SKAP1: variants seen among roughly 807,000 people sequenced by gnomAD.
SKAP1 encodes src kinase-associated phosphoprotein 1.
A neutral mutation model predicts 58.5 loss-of-function variants in SKAP1; 44 were observed. That is an observed-to-expected ratio of 0.75 (90% confidence interval 0.59 to 0.97). The LOEUF (loss-of-function observed/expected upper bound fraction) is 0.97. SKAP1 is among the 50% of genes least tolerant of loss of function. The pLI, the probability that SKAP1 is intolerant of heterozygous loss-of-function variation, is 0.00. For synonymous variants in SKAP1, 127 were observed against 149.7 expected, an observed-to-expected ratio of 0.85 and a Z score of 1.11; for missense variants, 390 against 435.2, an observed-to-expected ratio of 0.90 and a Z score of 0.92.
intron 2 of SKAP1, among the ~76,000 whole-genome samples, chr17:48,366,949 C>T (rs980323437): frequency 3.3e-5 from 5 of 152,068 alleles, no homozygotes; most frequent in Non-Finnish European, 7.4e-5. Flanking sequence ...CAGAAAAAAT[C>T]CTAGTCATGC....
chr17:48,173,203 G>A (rs955532030), intron 9 of SKAP1, among the ~76,000 whole-genome samples: 11 of 150,472 alleles, frequency 7.3e-5, no homozygotes, highest in African/African-American at 4.9e-5. Flanking sequence ...AAAAAAGGAC[G>A]GATACTCTGG....
intron 3 of SKAP1, among the ~76,000 whole-genome samples, chr17:48,348,311 CA>C (rs2066750088): frequency 7.0e-6 from 1 of 142,836 alleles, no homozygotes; most frequent in African/African-American, 2.6e-5. Flanking sequence ...CACTGCACTC[CA>C]ACCTAGACAA....
At chr17:48,434,077 G>A (rs1028470615), upstream of SKAP1, among the ~76,000 whole-genome samples, 1 of 152,210 alleles carries the variant, frequency 6.6e-6, no homozygotes. Context: ...ATTGATCCCT[G>A]AATGCTGGGT....
chr17:48,300,549 G>A (rs1045211272), intron 4 of SKAP1, among the ~76,000 whole-genome samples: 3 of 152,160 alleles, frequency 2.0e-5, no homozygotes, highest in Non-Finnish European at 4.4e-5. Context: ...CCATGGTCTG[G>A]AGGCTATATT....
upstream of SKAP1, among the ~76,000 whole-genome samples, chr17:48,434,633 G>C (rs1296833628): frequency 6.6e-6 from 1 of 152,128 alleles, no homozygotes; most frequent in East Asian, 1.9e-4. Context: ...AACAGTATGA[G>C]GGACTATATA....
intron 2 of SKAP1, among the ~76,000 whole-genome samples, chr17:48,377,601 A>T (rs940181838): frequency 6.6e-6 from 1 of 151,880 alleles, no homozygotes; most frequent in Non-Finnish European, 1.5e-5. Flanking sequence ...AAAATTAAAT[A>T]AAAACATTTA....
rs2067609160 is a variant in SKAP1 at position 48,407,898 on chromosome 17, G to A, written c.47-11113C>T. 2.0e-5 allele frequency among the ~76,000 whole-genome samples: 3 copies of A among 149,404 alleles called. No homozygotes were observed. In the South Asian group the frequency reaches 6.3e-4, roughly 31 times the overall value. ...GGAGGAATATATAAATGCTACATAA[G>A]TGTAAGTGTAAGAGCTGGAATTTTT... On this transcript the variant is annotated intron_variant, in intron 1 of 12. Transcript: ENST00000336915.
chr17:48,304,126 A>T (rs1156563154), intron 4 of SKAP1, among the ~76,000 whole-genome samples: 1 of 152,232 alleles, frequency 6.6e-6, no homozygotes, highest in East Asian at 1.9e-4. Flanking sequence ...ATGTAATACC[A>T]AAGTATTATA....
intron 4 of SKAP1, among the ~76,000 whole-genome samples, chr17:48,195,274 A>C (rs1437154056): frequency 6.6e-6 from 1 of 152,204 alleles, no homozygotes; most frequent in Non-Finnish European, 1.5e-5. Flanking sequence ...AATAAATGAT[A>C]GTTTGTAGTG....
chr17:48,346,282 C>A (rs2066722610), intron 3 of SKAP1, among the ~76,000 whole-genome samples: 1 of 152,030 alleles, frequency 6.6e-6, no homozygotes, highest in Admixed American at 6.6e-5. Context: ...CCTCTTGCCA[C>A]CAGAAAGAAA....
chr17:48,443,190 A>G, the SKAP1 span, among the ~76,000 whole-genome samples: 1 of 152,182 alleles, frequency 6.6e-6, no homozygotes, highest in Non-Finnish European at 1.5e-5. Context: ...AGACTGGGTT[A>G]TATTTCCCTC....
intron 1 of SKAP1, among the ~76,000 whole-genome samples, chr17:48,416,152 T>A: frequency 6.6e-6 from 1 of 152,196 alleles, no homozygotes; most frequent in East Asian, 1.9e-4. Flanking sequence ...TTTAAAAAAT[T>A]GTAGGAGCAG....
chr17:48,260,382 G>A lies in SKAP1; in HGVS notation c.281-70882C>T, dbSNP rs368641872. ...GAGTCCATCAAAAAATTGTGTACAA[G>A]AGGCTATTAAACAATGTAGACATAT... On this transcript the variant is annotated intron_variant, in intron 4 of 12. Transcript: ENST00000336915. 2.6e-5 allele frequency among the ~76,000 whole-genome samples: 4 copies of A among 152,228 alleles called. 1 individual carries two copies. The highest frequency in any genetic ancestry group is 9.6e-5 in the African/African-American group (4 of 41,560).
the SKAP1 span, among the ~76,000 whole-genome samples, chr17:48,442,546 C>A: frequency 1.3e-5 from 2 of 152,130 alleles, no homozygotes; most frequent in Non-Finnish European, 2.9e-5. Flanking sequence ...TGGACTCAGA[C>A]TCCACAACCA....
intron 3 of SKAP1, among the ~76,000 whole-genome samples, chr17:48,356,090 C>CA (rs35191647): frequency 0.62 from 93,560 of 151,434 alleles, 29,653 homozygotes; most frequent in African/African-American, 0.76. Context: ...CTTATGTCTA[C>CA]AAAAAATACA....
At chr17:48,157,420 A>G (rs2063993561) in intron 11 of SKAP1, among the ~76,000 whole-genome samples, 1 of 151,798 alleles carries the variant, frequency 6.6e-6, no homozygotes, top group African/African-American at 2.4e-5. Flanking sequence ...ATTTTAGTAG[A>G]GACGGGGTTT....
intron 4 of SKAP1, among the ~76,000 whole-genome samples, chr17:48,295,791 T>C (rs1388631618): frequency 2.0e-5 from 3 of 152,062 alleles, no homozygotes; most frequent in Non-Finnish European, 4.4e-5. Context: ...ACTTCCGGTC[T>C]CCATCTACAT....
At chr17:48,391,932 T>A (rs928709510) in intron 2 of SKAP1, among the ~76,000 whole-genome samples, 1 of 152,180 alleles carries the variant, frequency 6.6e-6, no homozygotes, top group Non-Finnish European at 1.5e-5. Flanking sequence ...GTTCTTTTGA[T>A]AAGCATACTT....
intron 4 of SKAP1, among the ~76,000 whole-genome samples, chr17:48,290,906 A>C (rs1393099405): frequency 6.6e-6 from 1 of 152,184 alleles, no homozygotes; most frequent in Non-Finnish European, 1.5e-5. Context: ...TTTGGGAGGC[A>C]AAGGCAGGAG....
Sources: gnomAD v4.1 joint callset for allele counts (sites outside exome capture counted in the v4.1 genomes callset) on GRCh38, gnomAD v4.1.1 for gene constraint, MANE v1.5 for transcripts, NCBI Gene and HGNC (gene_info 2026-07-23, HGNC 2026-07-21) for gene names.